The following MTX3 variants were observed in gnomAD, a reference collection of about 807,000 sequenced individuals.
MTX3 encodes metaxin-3.
Under a neutral mutation model 42.5 loss-of-function variants are expected in MTX3, and 27 were observed. That is an observed-to-expected ratio of 0.64 (90% confidence interval 0.47 to 0.88). The LOEUF (loss-of-function observed/expected upper bound fraction) is 0.88, where lower values mean the gene tolerates loss of function less well. Among genes scored for constraint, MTX3 ranks in the 40% least tolerant of loss-of-function variants. MTX3 has a pLI of 0.00. For synonymous variants in MTX3, 144 were observed against 132.9 expected (o/e 1.08, Z -0.57); for missense variants, 378 against 367.0 (o/e 1.03, Z -0.25).
Position 79,986,587 on chromosome 5 carries a change from C to CT in MTX3, c.739+362_739+363insA, listed in dbSNP as rs1435793488. 7 of 362,794 alleles carry CT rather than the reference C, an allele frequency of 1.9e-5. No homozygotes were observed. In the Admixed American group the frequency reaches 2.8e-4, roughly 15 times the overall value. The allele number at this position is 362,794 out of a possible 1,614,324, so 22.5% of individuals were successfully genotyped here. Reference sequence around the variant, plus strand: ...AATGCTAGAAGCAGCAGGTAAAAATCATTTAAAGTAATTGTCCATTTGCAT... The same window carrying CT: ...AATGCTAGAAGCAGCAGGTAAAAATCTATTTAAAGTAATTGTCCATTTGCAT... On this transcript the variant is annotated intron_variant, in intron 7 of 8. Transcript: ENST00000512528.
chr5:79,988,887 G>GA (rs61687430), intron 4 of MTX3, among the ~76,000 whole-genome samples: 29,520 of 152,094 alleles, frequency 0.19, 3,136 homozygotes, highest in Middle Eastern at 0.26. Context: ...TTTGTTGAAT[G>GA]AATGAATTAC....
At chr5:79,990,520 A>C in intron 2 of MTX3, 74 bp downstream of exon 2, 2 of 943,628 alleles carry the variant, frequency 2.1e-6, no homozygotes, top group Non-Finnish European at 3.2e-6. Flanking sequence ...TATTATAGCT[A>C]TATACCTCAC....
At chr5:79,985,701 T>A in intron 7 of MTX3, 42 bp from the exon 8 acceptor site, 1 of 1,347,614 alleles carries the variant, frequency 7.4e-7, no homozygotes. Flanking sequence ...CAGGAAATTT[T>A]TAAAGCCTTT....
Position 79,983,455 on chromosome 5 carries a change from G to T in MTX3, c.*229C>A. On this transcript the variant is annotated 3_prime_UTR_variant, in exon 9 of 9. Transcript: ENST00000512528. Reference sequence around the variant, plus strand: ...ACAGTACGATGTGTTTTTCTTCCCCGCCCCCCCAACCAAGTTCATTTAGCA... The same window carrying T: ...ACAGTACGATGTGTTTTTCTTCCCCTCCCCCCCAACCAAGTTCATTTAGCA... 7.6e-6 allele frequency: 4 copies of T among 523,320 alleles called. No individual in the cohort carries two copies. The highest frequency in any genetic ancestry group is 3.3e-5 in the East Asian group (1 of 29,944). The allele number at this position is 523,320 out of a possible 1,614,324, so 32.4% of individuals were successfully genotyped here.
rs1290135326 is a variant in MTX3 at position 79,979,820 on chromosome 5, T to C, written c.*3864A>G. 2 of 152,014 alleles carry C rather than the reference T, an allele frequency of 1.3e-5. No homozygotes were observed. The highest frequency in any genetic ancestry group is 2.4e-5 in the African/African-American group (1 of 41,444). 9.4% of individuals were successfully genotyped at this position (152,014 alleles called of 1,614,324 possible). A position where few individuals can be genotyped will look rare whatever the true frequency, so the allele number is the denominator to read the frequency against. ...CTTTAGATATCATTTGTTACAAACA[T>C]GAGTTTTTCTTAAGAATGAAATAAA... On this transcript the variant is annotated 3_prime_UTR_variant, in exon 9 of 9. Transcript: ENST00000512528.
intron 7 of MTX3, among the ~76,000 whole-genome samples, chr5:79,985,924 GTTT>G (rs59185045): frequency 5.1e-5 from 5 of 98,310 alleles, no homozygotes; most frequent in East Asian, 2.9e-4. Flanking sequence ...ACAATAATTA[GTTT>G]TTTTTTTTTT....
rs1383635954 is a variant in MTX3, at chr5:79,980,044, C to T, written c.*3640G>A. Reference sequence around the variant, plus strand: ...AGTTCAGAGAGATCCCAGGTACCCACTGCTTAGCTTCCTTTCTTTACATGT... The same window carrying T: ...AGTTCAGAGAGATCCCAGGTACCCATTGCTTAGCTTCCTTTCTTTACATGT... On this transcript the variant is annotated 3_prime_UTR_variant, in exon 9 of 9. Transcript: ENST00000512528. The T allele has an allele frequency of 6.6e-6, 1 of 152,186 alleles. No homozygotes were observed. The highest frequency in any genetic ancestry group is 1.5e-5 in the Non-Finnish European group (1 of 68,034). 9.4% of individuals were successfully genotyped at this position (152,186 alleles called of 1,614,324 possible). A position where few individuals can be genotyped will look rare whatever the true frequency, so the allele number is the denominator to read the frequency against.
At position 79,981,595 on chromosome 5, in the gene MTX3, A is replaced by C. The variant is rs541362372; in HGVS notation, c.*2089T>G. The C allele has an allele frequency of 2.9e-4, 44 of 152,294 alleles. No individual in the cohort carries two copies. The highest frequency in any genetic ancestry group is 1.0e-3 in the African/African-American group (43 of 41,574). 9.4% of individuals were successfully genotyped at this position (152,294 alleles called of 1,614,324 possible). ...CACGTTCCTGTAAAACTTTAAACAC[A>C]TTTTTCTTCCTAATAGACATTAGCA... On this transcript the variant is annotated 3_prime_UTR_variant, in exon 9 of 9. Coordinates refer to ENST00000512528, the MANE Select transcript of MTX3 (RefSeq NM_001363818.2).
chr5:79,985,694 G>A (rs887566537), intron 7 of MTX3, 35 bp from the exon 8 acceptor site: 5 of 1,509,522 alleles, frequency 3.3e-6, no homozygotes, highest in Admixed American at 1.8e-5. Flanking sequence ...AGAAAGACAG[G>A]AAATTTTTAA....
chr5:79,987,462 T>C (rs1447652322), intron 6 of MTX3, among the ~76,000 whole-genome samples: 3 of 144,308 alleles, frequency 2.1e-5, no homozygotes, highest in Non-Finnish European at 4.5e-5. Context: ...AAAAAAAAAA[T>C]TAAATTAAGG....
At chr5:79,985,707 CCTTTAA>C in intron 7 of MTX3, 48 bp from the exon 8 acceptor site, 1 of 1,356,268 alleles carries the variant, frequency 7.4e-7, no homozygotes, top group Non-Finnish European at 1.0e-6. Context: ...ATTTTTAAAG[CCTTTAA>C]AGCTATTTAG....
At position 79,980,466 on chromosome 5, in the gene MTX3, T is replaced by C. The variant is rs1831347698; in HGVS notation, c.*3218A>G. 1 of 151,836 alleles carries C rather than the reference T, an allele frequency of 6.6e-6. No homozygotes were observed. Among genetic ancestry groups the C allele is most frequent in the Non-Finnish European group, 1.5e-5 (1 of 68,002 alleles). The allele number at this position is 151,836 out of a possible 1,614,324, so 9.4% of individuals were successfully genotyped here. ...CCAATATAATACAAACAAACTTAAG[T>C]TGAAATTTGGTTTGTTAATGCCCAC... On this transcript the variant is annotated 3_prime_UTR_variant, in exon 9 of 9. Coordinates refer to ENST00000512528, the MANE Select transcript of MTX3 (RefSeq NM_001363818.2).
intron 4 of MTX3, among the ~76,000 whole-genome samples, chr5:79,988,881 T>C (rs1292596369): frequency 6.9e-6 from 1 of 145,074 alleles, no homozygotes; most frequent in African/African-American, 2.5e-5. Context: ...TAAACATTTG[T>C]TGAATGAATG....
intron 5 of MTX3, 67 bp downstream of exon 5, chr5:79,988,395 T>C: frequency 6.5e-7 from 1 of 1,548,786 alleles, no homozygotes; most frequent in South Asian, 1.2e-5. Context: ...CTAGGTAAAC[T>C]CAAGTCTGCA....
In MTX3 at chr5:79,980,433, C is replaced by G. The variant is rs1831346873; in HGVS notation, c.*3251G>C. 1 of 152,074 alleles carries G rather than the reference C, an allele frequency of 6.6e-6. No homozygotes were observed. Among genetic ancestry groups the G allele is most frequent in the Non-Finnish European group, 1.5e-5 (1 of 68,012 alleles). The allele number at this position is 152,074 out of a possible 1,614,324, so 9.4% of individuals were successfully genotyped here. ...TGCTTTTATAAAATCTCCAGTCTCGCAGCACCCCCAATATAATACAAACAA... is the reference window on the plus strand; with the variant it reads ...TGCTTTTATAAAATCTCCAGTCTCGGAGCACCCCCAATATAATACAAACAA... On this transcript the variant is annotated 3_prime_UTR_variant, in exon 9 of 9. Transcript: ENST00000512528.
chr5:79,982,117 C>T lies in MTX3; in HGVS notation c.*1567G>A, dbSNP rs537024695. The stretch of plus-strand genomic sequence containing the variant: ...TCTAATAATCTGCCTTTGAAGATGA[C>T]TGACACACACAAACACACACACACA... On this transcript the variant is annotated 3_prime_UTR_variant, in exon 9 of 9. Transcript: ENST00000512528. 15 of 175,914 alleles carry T rather than the reference C, an allele frequency of 8.5e-5. No homozygotes were observed. The highest frequency in any genetic ancestry group is 3.1e-4 in the African/African-American group (13 of 42,082). The allele number at this position is 175,914 out of a possible 1,614,324, so 10.9% of individuals were successfully genotyped here.
At chr5:79,988,765 G>C (rs780018829) in intron 4 of MTX3, 121 bp from the exon 5 acceptor site, 4 of 906,938 alleles carry the variant, frequency 4.4e-6, no homozygotes, top group Non-Finnish European at 6.5e-6. Flanking sequence ...AAATTTTCCA[G>C]TTAGAATGAC....
intron 6 of MTX3, 59 bp from the exon 7 acceptor site, chr5:79,987,166 G>T: frequency 6.6e-7 from 1 of 1,517,342 alleles, no homozygotes. Flanking sequence ...AAGGCCGGGT[G>T]TGGTGGCTCA....
In MTX3 at chr5:79,978,974, C is replaced by T. The variant is rs1200604154; in HGVS notation, c.*4710G>A. On this transcript the variant is annotated 3_prime_UTR_variant, in exon 9 of 9. Transcript: ENST00000512528. The stretch of plus-strand genomic sequence containing the variant: ...CACATTTCCCCTTCTATTCACAAAC[C>T]TTCAACTCGAGTTACCCTTTCTGAT... The T allele has an allele frequency of 6.6e-6, 1 of 152,562 alleles. No individual in the cohort carries two copies. The highest frequency in any genetic ancestry group is 1.5e-5 in the Non-Finnish European group (1 of 68,026). The allele number at this position is 152,562 out of a possible 1,614,324, so 9.5% of individuals were successfully genotyped here.
Sources: gnomAD v4.1 joint callset for allele counts (sites outside exome capture counted in the v4.1 genomes callset) on GRCh38, gnomAD v4.1.1 for gene constraint, MANE v1.5 for transcripts, NCBI Gene and HGNC (gene_info 2026-07-23, HGNC 2026-07-21) for gene names.